Variants in STXBP5L observed in about 807,000 individuals in gnomAD.
STXBP5L encodes the protein syntaxin binding protein 5L, also known as syntaxin-binding protein 5-like.
Under a neutral mutation model 144.5 loss-of-function variants are expected in STXBP5L, and 65 were observed. The observed-to-expected ratio is 0.45, with a 90% CI of 0.37 to 0.55. STXBP5L has a LOEUF of 0.55. STXBP5L is among the 20% of genes least tolerant of loss of function. STXBP5L has a pLI of 0.00. For missense variants in STXBP5L, 1,298 were observed against 1,405.5 expected, an observed-to-expected ratio of 0.92 and a Z score of 1.22; for synonymous variants, 505 against 469.6, an observed-to-expected ratio of 1.08 and a Z score of -0.97.
intron 2 of STXBP5L, among the ~76,000 whole-genome samples, chr3:120,914,267 C>T (rs1269378638): frequency 2.0e-5 from 3 of 151,804 alleles, no homozygotes; most frequent in Non-Finnish European, 4.4e-5. Context: ...AAGTATATTA[C>T]CAGAACCAGA....
At chr3:120,964,000 C>T (rs553517262) in intron 3 of STXBP5L, among the ~76,000 whole-genome samples, 5 of 151,758 alleles carry the variant, frequency 3.3e-5, no homozygotes, top group South Asian at 2.1e-4. Flanking sequence ...CTTAGTGTTG[C>T]GAGGGTGTAT....
At chr3:121,400,848 A>G (rs1267217786) in intron 22 of STXBP5L, among the ~76,000 whole-genome samples, 4 of 152,198 alleles carry the variant, frequency 2.6e-5, no homozygotes, top group African/African-American at 7.2e-5. Flanking sequence ...TGTTTTTGCT[A>G]CAGTTCAAAA....
intron 20 of STXBP5L, among the ~76,000 whole-genome samples, chr3:121,337,599 C>T (rs114604047): frequency 1.3e-4 from 20 of 152,170 alleles, no homozygotes; most frequent in Non-Finnish European, 2.1e-4. Context: ...AAGACATCAT[C>T]ACAATAATTG....
At chr3:121,387,655 A>G (rs945865676) in intron 22 of STXBP5L, among the ~76,000 whole-genome samples, 2 of 152,192 alleles carry the variant, frequency 1.3e-5, no homozygotes, top group Non-Finnish European at 2.9e-5. Context: ...CATTTATTAA[A>G]TATGGAATCC....
At chr3:121,217,783 G>A (rs1269500268) in intron 10 of STXBP5L, among the ~76,000 whole-genome samples, 3 of 151,840 alleles carry the variant, frequency 2.0e-5, no homozygotes, top group Non-Finnish European at 4.4e-5. Context: ...AAACTTGAAA[G>A]CCAAACTTGT....
rs547578808 is a variant in STXBP5L at position 121,059,253 on chromosome 3, A to C, written c.470+13718A>C. Among the ~76,000 whole-genome samples, 4 of 152,098 alleles carry C rather than the reference A, an allele frequency of 2.6e-5. No individual in the cohort carries two copies. In the South Asian group the frequency reaches 8.3e-4, roughly 32 times the overall value. On this transcript the variant is annotated intron_variant, in intron 5 of 26. Coordinates refer to ENST00000471454, the MANE Select transcript of STXBP5L (RefSeq NM_001308330.2). Reference sequence around the variant, plus strand: ...GAATCCTTTCCTTATTGCTTGTTTTAGTCAGGTTTGTCAAAGATCAGATGG... The same window carrying C: ...GAATCCTTTCCTTATTGCTTGTTTTCGTCAGGTTTGTCAAAGATCAGATGG...
chr3:121,097,067 G>A (rs1032208801), intron 5 of STXBP5L, among the ~76,000 whole-genome samples: 10 of 152,162 alleles, frequency 6.6e-5, no homozygotes, highest in African/African-American at 2.4e-4. Context: ...GTGGCAGTCT[G>A]GCCACAGCAG....
chr3:121,253,627 A>G lies in STXBP5L; in HGVS notation c.1442-1268A>G, dbSNP rs2050103748. Among the ~76,000 whole-genome samples the G allele has an allele frequency of 3.4e-5, 5 of 148,518 alleles. No individual in the cohort carries two copies. The Admixed American group carries it at 3.4e-4, about 10-fold the overall frequency. On this transcript the variant is annotated intron_variant, in intron 15 of 26. Coordinates refer to ENST00000471454, the MANE Select transcript of STXBP5L (RefSeq NM_001308330.2). ...TATATATATGTATATATACACATAA[A>G]TATATATACTTTTTTTTTTTGACGG...
chr3:121,011,039 G>A (rs1447846020), intron 3 of STXBP5L, among the ~76,000 whole-genome samples: 1 of 150,166 alleles, frequency 6.7e-6, no homozygotes, highest in African/African-American at 2.4e-5. Flanking sequence ...TAATCATTTG[G>A]TTGTCTTTCT....
At chr3:121,232,915 A>T (rs568597810) in intron 11 of STXBP5L, among the ~76,000 whole-genome samples, 89 of 152,038 alleles carry the variant, frequency 5.9e-4, no homozygotes, top group Non-Finnish European at 1.2e-3. Flanking sequence ...GCTCTATCTG[A>T]TCGGATCCTG....
In STXBP5L at chr3:120,979,421, C is replaced by T. The variant is rs763089090; in HGVS notation, c.287+24384C>T. 5.9e-5 allele frequency among the ~76,000 whole-genome samples: 9 copies of T among 152,270 alleles called. No homozygotes were observed. In the South Asian group the frequency reaches 6.2e-4, roughly 11 times the overall value. On this transcript the variant is annotated intron_variant, in intron 3 of 26. Transcript: ENST00000471454. ...CGGAAAAGCGCAGTATTAGGGTGGG[C>T]GTGACCCAATTTTCCAGGTGCCGTC...
chr3:121,351,894 T>C (rs1427007680), intron 20 of STXBP5L, among the ~76,000 whole-genome samples: 10 of 152,104 alleles, frequency 6.6e-5, no homozygotes, highest in East Asian at 5.8e-4. Context: ...TTTCAGCTTT[T>C]TACAGATGGC....
intron 5 of STXBP5L, among the ~76,000 whole-genome samples, chr3:121,051,892 A>AG (rs1473685568): frequency 6.6e-6 from 1 of 152,184 alleles, no homozygotes. Context: ...GCAATAAAAA[A>AG]TGATAAAGGG....
At chr3:120,944,732 A>G (rs9880854) in intron 2 of STXBP5L, among the ~76,000 whole-genome samples, 15,073 of 151,784 alleles carry the variant, frequency 0.099, 1,180 homozygotes, top group Admixed American at 0.2. Context: ...TTTGAATCAC[A>G]ATGTGATGGA....
At chr3:121,044,979 A>G (rs1442088042) in intron 4 of STXBP5L, among the ~76,000 whole-genome samples, 6 of 152,168 alleles carry the variant, frequency 3.9e-5, no homozygotes, top group African/African-American at 1.2e-4. Flanking sequence ...GGAAGAATAT[A>G]CGCTTTCCAA....
intron 19 of STXBP5L, among the ~76,000 whole-genome samples, chr3:121,291,147 T>TACCC (rs1300252036): frequency 6.6e-6 from 1 of 151,990 alleles, no homozygotes; most frequent in Non-Finnish European, 1.5e-5. Flanking sequence ...ATGCCTAGAA[T>TACCC]ACCCTAAAGA....
At chr3:121,410,946 G>T (rs1166139407) in intron 23 of STXBP5L, among the ~76,000 whole-genome samples, 2 of 151,874 alleles carry the variant, frequency 1.3e-5, no homozygotes, top group Admixed American at 6.6e-5. Flanking sequence ...AGACAATGTA[G>T]CACATCAGAA....
chr3:121,300,794 C>T (rs987518795), intron 19 of STXBP5L, among the ~76,000 whole-genome samples: 1 of 151,640 alleles, frequency 6.6e-6, no homozygotes, highest in African/African-American at 2.4e-5. Context: ...AAACTTAACC[C>T]CATCAAAGAT....
intron 10 of STXBP5L, 106 bp from the exon 11 acceptor site, chr3:121,222,897 C>T (rs1230328305): frequency 3.8e-5 from 48 of 1,268,890 alleles, no homozygotes; most frequent in Non-Finnish European, 4.7e-5. Flanking sequence ...TGCTGTCTGT[C>T]ATGTTATATG....
Sources: allele counts gnomAD v4.1 joint callset (sites outside exome capture counted in the v4.1 genomes callset), GRCh38; gene constraint gnomAD v4.1.1; transcripts MANE v1.5; gene names NCBI Gene and HGNC (gene_info 2026-07-23, HGNC 2026-07-21).